Variants in IL1RAPL1 observed in about 807,000 individuals in gnomAD.
IL1RAPL1 encodes the protein interleukin 1 receptor accessory protein like 1.
In IL1RAPL1, 3 loss-of-function variants were observed where a neutral mutation model predicts 48.4. That is an observed-to-expected ratio of 0.06 (90% CI 0.03 to 0.16). The LOEUF is 0.16. IL1RAPL1 is among the 10% of genes least tolerant of loss of function. The probability of loss-of-function intolerance (pLI) is 1.00; values close to 1 mark genes in which losing one functional copy is unlikely to be tolerated. For synonymous variants in IL1RAPL1, 185 were observed against 187.7 expected, an observed-to-expected ratio of 0.99 and a Z score of 0.12; for missense variants, 349 against 530.6, an observed-to-expected ratio of 0.66 and a Z score of 3.36.
chrX:29,766,371 AGATAGAT>A, intron 6 of IL1RAPL1, among the ~76,000 whole-genome samples: 1 of 95,740 alleles, frequency 1.0e-5, no homozygotes, highest in Admixed American at 1.3e-4. Flanking sequence ...ATAGATAGAT[AGATAGAT>A]AGATAGATAT....
intron 6 of IL1RAPL1, among the ~76,000 whole-genome samples, chrX:29,902,249 G>T (rs752689887): frequency 1.8e-5 from 2 of 110,893 alleles, no homozygotes; most frequent in Admixed American, 9.6e-5. Context: ...GGGCATCTGG[G>T]TGTTAAATGT....
intron 5 of IL1RAPL1, among the ~76,000 whole-genome samples, chrX:29,557,805 A>C (rs1922051576): frequency 9.0e-6 from 1 of 111,429 alleles, no homozygotes; most frequent in African/African-American, 3.3e-5. Flanking sequence ...TACTTAGCAT[A>C]ATGTCTTCCA....
At chrX:29,850,296 T>A (rs1293205577) in intron 6 of IL1RAPL1, among the ~76,000 whole-genome samples, 1 of 111,997 alleles carries the variant, frequency 8.9e-6, no homozygotes, top group East Asian at 2.8e-4. Context: ...CACTTTCTTG[T>A]CATAGCCCCA....
intron 1 of IL1RAPL1, among the ~76,000 whole-genome samples, chrX:28,623,390 C>T (rs771105819): frequency 2.1e-4 from 23 of 111,545 alleles, no homozygotes; most frequent in Non-Finnish European, 3.6e-4. Flanking sequence ...GGGAATTTAT[C>T]GCAACGGGTA....
At chrX:28,713,535 A>C (rs190135160) in intron 1 of IL1RAPL1, among the ~76,000 whole-genome samples, 27 of 111,260 alleles carry the variant, frequency 2.4e-4, no homozygotes, top group African/African-American at 8.1e-4. Context: ...CTATAGCCCC[A>C]AAAAGTCTTA....
chrX:29,647,092 G>A (rs991836570), intron 5 of IL1RAPL1, among the ~76,000 whole-genome samples: 63 of 112,595 alleles, frequency 5.6e-4, no homozygotes, highest in African/African-American at 1.9e-3. Flanking sequence ...GCTCACACCT[G>A]TAATCCCAGC....
intron 6 of IL1RAPL1, among the ~76,000 whole-genome samples, chrX:29,897,411 G>A (rs182571710): frequency 8.0e-4 from 90 of 112,053 alleles, no homozygotes; most frequent in African/African-American, 2.7e-3. Context: ...TGTACAAGTG[G>A]AAGTTACAGT....
intron 2 of IL1RAPL1, among the ~76,000 whole-genome samples, chrX:29,180,057 T>G (rs765694709): frequency 3.1e-4 from 34 of 109,757 alleles, no homozygotes; most frequent in Non-Finnish European, 6.1e-4. Flanking sequence ...TACTTTAGGC[T>G]TATTGATCAA....
At chrX:29,204,194 C>T (rs1353025552) in intron 2 of IL1RAPL1, among the ~76,000 whole-genome samples, 1 of 111,775 alleles carries the variant, frequency 8.9e-6, no homozygotes, top group Non-Finnish European at 1.9e-5. Flanking sequence ...GTGAGAATAT[C>T]TCTTCAATAT....
Position 28,970,974 on chromosome X carries a change from A to G in IL1RAPL1, c.82+181549A>G, listed in dbSNP as rs774489721. On this transcript the variant is annotated intron_variant, in intron 2 of 10. Coordinates refer to ENST00000378993, the MANE Select transcript of IL1RAPL1 (RefSeq NM_014271.4). ...TGTAGAATATTTATATGTAGTATATATATACATTCAACTACCTTGCATATC... is the reference window on the plus strand; with the variant it reads ...TGTAGAATATTTATATGTAGTATATGTATACATTCAACTACCTTGCATATC... Among the ~76,000 whole-genome samples, 4 of 111,932 alleles carry G rather than the reference A, an allele frequency of 3.6e-5. No individual in the cohort carries two copies. The East Asian group carries it at 1.1e-3, about 31-fold the overall frequency.
intron 3 of IL1RAPL1, among the ~76,000 whole-genome samples, chrX:29,344,962 C>G (rs1244050668): frequency 8.9e-6 from 1 of 112,779 alleles, no homozygotes; most frequent in Non-Finnish European, 1.9e-5. Flanking sequence ...CAGGACACGA[C>G]CAATCAGACA....
chrX:29,809,272 ATT>A (rs145317655), intron 6 of IL1RAPL1, among the ~76,000 whole-genome samples: 16 of 91,799 alleles, frequency 1.7e-4, no homozygotes, highest in Admixed American at 3.6e-4. Flanking sequence ...AATTTTTTGC[ATT>A]TTTTTTTTTT....
intron 3 of IL1RAPL1, among the ~76,000 whole-genome samples, chrX:29,296,304 A>G (rs1218412786): frequency 9.0e-6 from 1 of 111,634 alleles, no homozygotes; most frequent in African/African-American, 3.3e-5. Context: ...AATGAGTACA[A>G]CAGCTGGTGA....
At chrX:29,032,592 G>A (rs760923320) in intron 2 of IL1RAPL1, among the ~76,000 whole-genome samples, 2 of 111,623 alleles carry the variant, frequency 1.8e-5, no homozygotes, top group East Asian at 2.8e-4. Flanking sequence ...CTTTCTCTGC[G>A]ATTCTTCATG....
At chrX:29,367,010 G>C (rs1305998351) in intron 3 of IL1RAPL1, among the ~76,000 whole-genome samples, 1 of 110,963 alleles carries the variant, frequency 9.0e-6, no homozygotes, top group African/African-American at 3.3e-5. Flanking sequence ...TTTTTTTAGG[G>C]GGAAAAGAGC....
At chrX:28,840,224 A>G (rs758741858) in intron 2 of IL1RAPL1, among the ~76,000 whole-genome samples, 17 of 111,093 alleles carry the variant, frequency 1.5e-4, no homozygotes, top group Admixed American at 1.3e-3. Context: ...GAGTTCACCC[A>G]TCTTCCTCTG....
intron 2 of IL1RAPL1, among the ~76,000 whole-genome samples, chrX:28,891,396 G>A (rs1462312698): frequency 8.9e-6 from 1 of 111,897 alleles, no homozygotes; most frequent in Non-Finnish European, 1.9e-5. Flanking sequence ...CCATAGAGTT[G>A]CATAAGCATC....
chrX:29,099,867 T>C (rs1928295873), intron 2 of IL1RAPL1, among the ~76,000 whole-genome samples: 1 of 111,769 alleles, frequency 8.9e-6, no homozygotes, highest in Admixed American at 9.6e-5. Context: ...TAATTATTAA[T>C]AGCTTTTATT....
chrX:28,692,998 G>A (rs1047754279), intron 1 of IL1RAPL1, among the ~76,000 whole-genome samples: 3 of 112,005 alleles, frequency 2.7e-5, no homozygotes, highest in African/African-American at 9.7e-5. Flanking sequence ...TATATCTTAG[G>A]TGAAAGTATT....
Sources: gnomAD v4.1 joint callset for allele counts (sites outside exome capture counted in the v4.1 genomes callset) on GRCh38, gnomAD v4.1.1 for gene constraint, MANE v1.5 for transcripts, NCBI Gene and HGNC (gene_info 2026-07-23, HGNC 2026-07-21) for gene names.